Variants in DOCK6 observed in about 807,000 individuals in gnomAD.
DOCK6 encodes dedicator of cytokinesis protein 6.
DOCK6 carries 167 observed loss-of-function variants against 230.3 expected under a neutral mutation model. The observed-to-expected ratio is 0.73, with a 90% CI of 0.64 to 0.82. The LOEUF (loss-of-function observed/expected upper bound fraction) is 0.82, where lower values mean the gene tolerates loss of function less well. DOCK6 is among the 40% of genes least tolerant of loss of function. DOCK6 has a pLI of 0.00. For synonymous variants in DOCK6, 1,148 were observed against 1,185.0 expected, an observed-to-expected ratio of 0.97 and a Z score of 0.64; for missense variants, 2,598 against 2,825.8, an observed-to-expected ratio of 0.92 and a Z score of 1.83.
chr19:11,258,024 T>C (rs1230430602), intron 1 of DOCK6, among the ~76,000 whole-genome samples: 1 of 152,092 alleles, frequency 6.6e-6, no homozygotes, highest in East Asian at 1.9e-4. Flanking sequence ...GCAATTCTAC[T>C]CCAAGGTGTG....
intron 22 of DOCK6, chr19:11,232,283 C>T (rs553908895): frequency 5.4e-6 from 7 of 1,289,522 alleles, no homozygotes; most frequent in South Asian, 4.9e-5. Flanking sequence ...TGTGAGCGAT[C>T]GATGCCCTGG....
chr19:11,230,945 A>T (rs1438213470), intron 22 of DOCK6, among the ~76,000 whole-genome samples: 2 of 152,138 alleles, frequency 1.3e-5, no homozygotes, highest in African/African-American at 4.8e-5. Context: ...CTACTCTGAC[A>T]CTTGAGGGCT....
chr19:11,208,559 G>T, intron 39 of DOCK6, 127 bp downstream of exon 39: 8 of 1,363,482 alleles, frequency 5.9e-6, no homozygotes, highest in South Asian at 3.0e-5. Context: ...GGTTACAGGC[G>T]TGAGCCACCG....
At chr19:11,245,974 TC>T in intron 7 of DOCK6, 96 bp from the exon 8 acceptor site, 1 of 1,374,740 alleles carries the variant, frequency 7.3e-7, no homozygotes, top group Non-Finnish European at 1.0e-6. Flanking sequence ...GGCATCTGAC[TC>T]CCACTGGGCC....
rs1313086521 is a variant in DOCK6 at position 11,223,118 on chromosome 19, G to A, written c.2956-12C>T. 1.9e-6 allele frequency: 3 copies of A among 1,610,486 alleles called. No individual in the cohort carries two copies. Among genetic ancestry groups the A allele is most frequent in the Non-Finnish European group, 2.5e-6 (3 of 1,177,938 alleles). Reference sequence around the variant, plus strand: ...GCCAGCTCCACATCCTGGGGACACAGGTGCCTGTCAACCCACACACCCAAA... The same window carrying A: ...GCCAGCTCCACATCCTGGGGACACAAGTGCCTGTCAACCCACACACCCAAA... On this transcript the variant is annotated splice_polypyrimidine_tract_variant and intron_variant, in intron 24 of 47. Transcript: ENST00000294618.
At chr19:11,210,831 A>T (rs551304572) in intron 37 of DOCK6, among the ~76,000 whole-genome samples, 2 of 145,710 alleles carry the variant, frequency 1.4e-5, no homozygotes, top group Non-Finnish European at 3.0e-5. Context: ...TCATCTGGCC[A>T]TCTCTTCACC....
Position 11,215,415 on chromosome 19 carries a change from A to G in DOCK6, c.4078T>C (p.Trp1360Arg). ...NVRWRKSVTH[W>R]KQTSDRVDKT... ...TCCACGCGGTCTGAGGTTTGCTTCCAGTGTGTGACGCTCTTCCGCCAGCGC... is the reference window on the plus strand; with the variant it reads ...TCCACGCGGTCTGAGGTTTGCTTCCGGTGTGTGACGCTCTTCCGCCAGCGC... Residue 1360 changes from tryptophan to arginine, a missense_variant, in exon 32 of 48, where the codon TGG becomes CGG. Trp to Arg is a moderately radical substitution (Grantham distance 101). Transcript: ENST00000294618. The G allele has an allele frequency of 6.2e-7, 1 of 1,613,384 alleles. No homozygotes were observed. Among genetic ancestry groups the G allele is most frequent in the South Asian group, 1.1e-5 (1 of 91,054 alleles).
Position 11,216,927 on chromosome 19 carries a change from G to A in DOCK6, c.3881C>T (p.Ala1294Val). 3.1e-6 allele frequency: 5 copies of A among 1,613,696 alleles called. No individual in the cohort carries two copies. Among genetic ancestry groups the A allele is most frequent in the Non-Finnish European group, 4.2e-6 (5 of 1,179,864 alleles). The part of the protein sequence containing the change: ...LLDLLYLCLA[A>V]FEYKGKKAFE... ...ACGCCCTCAAACCTTGTACTCAAAG[G>A]CAGCTAGGCAAAGGTACAGCAAATC... The change falls in exon 30 of 48, where the codon GCC becomes GTC. Residue 1294 changes from alanine (A) to valine (V), a missense_variant. Coordinates refer to ENST00000294618, the MANE Select transcript of DOCK6 (RefSeq NM_020812.4).
Position 11,222,616 on chromosome 19 carries a change from T to G in DOCK6, c.3240+119A>C, listed in dbSNP as rs1485796884. 2.3e-5 allele frequency: 26 copies of G among 1,113,236 alleles called. No individual in the cohort carries two copies. The highest frequency in any genetic ancestry group is 3.1e-5 in the Non-Finnish European group (25 of 798,576). The allele number at this position is 1,113,236 out of a possible 1,614,324, so 69.0% of individuals were successfully genotyped here. A position where few individuals can be genotyped will look rare whatever the true frequency, so the allele number is the denominator to read the frequency against. On this transcript the variant is annotated intron_variant, in intron 26 of 47. Transcript: ENST00000294618. The surrounding 1 kb of genome is among the most constrained non-coding windows in gnomAD (Gnocchi z 4.0). ...GAAGTCAAAAGTCAAACATAAGGGATTAGTTCACCTAGGCAGTGGTCCACC... is the reference window on the plus strand; with the variant it reads ...GAAGTCAAAAGTCAAACATAAGGGAGTAGTTCACCTAGGCAGTGGTCCACC...
rs1405333279 is a variant in DOCK6 at position 11,243,766 on chromosome 19, G to A, written c.1104+36C>T. The A allele has an allele frequency of 6.2e-7, 1 of 1,613,384 alleles. No homozygotes were observed. Among genetic ancestry groups the A allele is most frequent in the South Asian group, 1.1e-5 (1 of 90,896 alleles). On this transcript the variant is annotated intron_variant, in intron 10 of 47. Coordinates refer to ENST00000294618, the MANE Select transcript of DOCK6 (RefSeq NM_020812.4). This position sits in a 1 kb window ranked among gnomAD's most constrained non-coding sequence, Gnocchi z 6.3. ...AGCATCCTAGCCCTGCTGAGTCAGGGATCTGTTGCCCCTAGTCCAGCCTCC... is the reference window on the plus strand; with the variant it reads ...AGCATCCTAGCCCTGCTGAGTCAGGAATCTGTTGCCCCTAGTCCAGCCTCC...
chr19:11,249,088 T>G (rs2080078095), intron 6 of DOCK6, among the ~76,000 whole-genome samples: 1 of 152,090 alleles, frequency 6.6e-6, no homozygotes, highest in African/African-American at 2.4e-5. Context: ...AAAATAGACA[T>G]ATGTGGTAGG....
rs2079426178 is a variant in DOCK6 at position 11,213,347 on chromosome 19, A to G, written c.4339-19T>C. 2 of 1,606,306 alleles carry G rather than the reference A, an allele frequency of 1.2e-6. No individual in the cohort carries two copies. The highest frequency in any genetic ancestry group is 1.7e-6 in the Non-Finnish European group (2 of 1,177,730). ...CCGGGAACTGCCCCCAAGGACCCAG[A>G]CAGACACTGTCCAGCCCCTCCCCGT... On this transcript the variant is annotated intron_variant, in intron 34 of 47. Coordinates refer to ENST00000294618, the MANE Select transcript of DOCK6 (RefSeq NM_020812.4).
chr19:11,202,966 G>T lies in DOCK6; in HGVS notation c.5236-257C>A, dbSNP rs1251137040. Among the ~76,000 whole-genome samples the T allele has an allele frequency of 6.6e-6, 1 of 152,168 alleles. No homozygotes were observed. Among genetic ancestry groups the T allele is most frequent in the East Asian group, 1.9e-4 (1 of 5,190 alleles). On this transcript the variant is annotated intron_variant, in intron 41 of 47. Coordinates refer to ENST00000294618, the MANE Select transcript of DOCK6 (RefSeq NM_020812.4). This position sits in a 1 kb window ranked among gnomAD's most constrained non-coding sequence, Gnocchi z 5.3. ...ACAGCAGGTACCCAATACATGCATAGATGGCTGAGGAGAGGGATGGCTGTC... is the reference window on the plus strand; with the variant it reads ...ACAGCAGGTACCCAATACATGCATATATGGCTGAGGAGAGGGATGGCTGTC...
intron 14 of DOCK6, chr19:11,240,169 C>T (rs1390689613): frequency 7.1e-6 from 11 of 1,552,522 alleles, no homozygotes; most frequent in Non-Finnish European, 8.7e-6. Flanking sequence ...CAGGCAGAGG[C>T]CACAGCTGAG....
rs747615911 is a variant in DOCK6 at position 11,213,300 on chromosome 19, G to A, written c.4367C>T (p.Thr1456Met). Reference protein sequence around the residue: ...KFPELLFEEDTELCADLCLRL... With the variant: ...KFPELLFEEDMELCADLCLRL... The stretch of plus-strand genomic sequence containing the variant: ...CAGGCACAGGTCGGCACACAGCTCC[G>A]TGTCCTCCTCGAACAGCAGCTCCGG... Residue 1456 changes from threonine to methionine, a missense_variant, in exon 35 of 48, where the codon ACG (threonine) becomes ATG (methionine). Physicochemically the swap from Thr to Met is moderately conservative, Grantham distance 81 (BLOSUM62 -1). Coordinates refer to ENST00000294618, the MANE Select transcript of DOCK6 (RefSeq NM_020812.4). The A allele has an allele frequency of 6.2e-6, 10 of 1,612,318 alleles. No homozygotes were observed. The highest frequency in any genetic ancestry group is 1.8e-4 in the Middle Eastern group (1 of 5,520).
chr19:11,227,446 C>A lies in DOCK6; in HGVS notation c.2846G>T (p.Gly949Val). The change falls in exon 24 of 48, where the codon GGC (glycine) becomes GTC (valine). Residue 949 changes from glycine to valine, a missense_variant. Gly to Val is a moderately radical substitution (Grantham distance 109). Coordinates refer to ENST00000294618, the MANE Select transcript of DOCK6 (RefSeq NM_020812.4). ...CTTGCGGGGTGTGTCTAGTCGCTGG[C>A]CAAGCAGCAGGTGCAGCGCCATACT... ...VKSMALHLLL[G>V]QRLDTPRKLR... The A allele has an allele frequency of 6.2e-7, 1 of 1,605,834 alleles. No homozygotes were observed. The highest frequency in any genetic ancestry group is 1.1e-5 in the South Asian group (1 of 90,058).
At position 11,243,610 on chromosome 19, in the gene DOCK6, GC is replaced by G; in HGVS notation, c.1204del (p.Ala402ProfsTer4). 6.2e-7 allele frequency: 1 copy of G among 1,611,206 alleles called. No homozygotes were observed. Among genetic ancestry groups the G allele is most frequent in the South Asian group, 1.1e-5 (1 of 90,786 alleles). ...MPFAWTAVHL[A>X]NIVSSAGQLD... ...CTGCCCAGCGCTGCTCACGATGTTG[GC>G]CAAGTGCACGGCCGTCCAGGCGAAG... On this transcript the variant is annotated frameshift_variant, in exon 11 of 48. Transcript: ENST00000294618. LOFTEE classifies it high-confidence loss of function. This position sits in a 1 kb window ranked among gnomAD's most constrained non-coding sequence, Gnocchi z 6.3.
chr19:11,252,989 C>T (rs778406898), intron 2 of DOCK6, 31 bp from the exon 3 acceptor site: 3 of 1,579,034 alleles, frequency 1.9e-6, no homozygotes, highest in East Asian at 4.6e-5. Context: ...TGTGATCGCA[C>T]TACCTAGGAG....
Position 11,236,362 on chromosome 19 carries a change from G to T in DOCK6, c.2376C>A (p.Ile792=). The stretch of plus-strand genomic sequence containing the variant: ...TTCGCTTACCAATCTGGCCACTGAT[G>T]ATCGGGGGCCTGATGACCAGACGCA... The part of the protein sequence containing the change: ...KLVRLVIRPP[I]ISGQIVNLGR... The change falls in exon 20 of 48, where the codon ATC becomes ATA. Residue 792 remains isoleucine, a synonymous_variant. Transcript: ENST00000294618. The surrounding 1 kb of genome is among the most constrained non-coding windows in gnomAD (Gnocchi z 5.2). 1 of 1,562,734 alleles carries T rather than the reference G, an allele frequency of 6.4e-7. No individual in the cohort carries two copies. Among genetic ancestry groups the T allele is most frequent in the East Asian group, 2.4e-5 (1 of 41,802 alleles).
Sources: allele counts gnomAD v4.1 joint callset (sites outside exome capture counted in the v4.1 genomes callset), GRCh38; gene constraint gnomAD v4.1.1; non-coding constraint Gnocchi (gnomAD v3.1); transcripts MANE v1.5; gene names NCBI Gene and HGNC (gene_info 2026-07-23, HGNC 2026-07-21).